CUBN: variants seen among roughly 807,000 people sequenced by gnomAD.
CUBN encodes the protein 460 kDa receptor.
Under a neutral mutation model 405.3 loss-of-function variants are expected in CUBN, and 282 were observed. The ratio of observed to expected loss-of-function variants is 0.70; its 90% CI spans 0.63 to 0.77. The LOEUF (loss-of-function observed/expected upper bound fraction) is 0.77. CUBN is among the 30% of genes least tolerant of loss of function. The pLI, the probability that CUBN is intolerant of heterozygous loss-of-function variation, is 0.00. For missense variants in CUBN, 4,514 were observed against 4,475.2 expected (o/e 1.01, Z -0.25); for synonymous variants, 1,684 against 1,617.0 (o/e 1.04, Z -0.99).
chr10:17,045,202 A>G lies in CUBN; in HGVS notation c.3491-14T>C. The G allele has an allele frequency of 6.2e-7, 1 of 1,612,916 alleles. No individual in the cohort carries two copies. The highest frequency in any genetic ancestry group is 8.5e-7 in the Non-Finnish European group (1 of 1,179,546). ...TACCCCCGCAACCTACAGGAGAAAG[A>G]AGTGGAATGACACACACCCCTTTCC... On this transcript the variant is annotated splice_polypyrimidine_tract_variant and intron_variant, in intron 24 of 66. Transcript: ENST00000377833.
At chr10:16,957,564 CA>C (rs1843101113) in intron 31 of CUBN, among the ~76,000 whole-genome samples, 1 of 152,218 alleles carries the variant, frequency 6.6e-6, no homozygotes, top group South Asian at 2.1e-4. Context: ...CACTTAATCC[CA>C]ATTAGAAAAT....
At chr10:16,879,983 G>A (rs557653663) in intron 56 of CUBN, among the ~76,000 whole-genome samples, 9 of 152,338 alleles carry the variant, frequency 5.9e-5, no homozygotes, top group Non-Finnish European at 8.8e-5. Flanking sequence ...ACAGCAATGA[G>A]AGGAGCCAGC....
At chr10:16,913,695 G>T in intron 48 of CUBN, 116 bp downstream of exon 48, 1 of 1,135,940 alleles carries the variant, frequency 8.8e-7, no homozygotes. Flanking sequence ...GAATTTGTCT[G>T]AGTTATAGTT....
intron 37 of CUBN, among the ~76,000 whole-genome samples, chr10:16,939,395 C>A (rs578246094): frequency 2.3e-4 from 35 of 152,220 alleles, no homozygotes; most frequent in African/African-American, 8.2e-4. Context: ...GGGTTCTGAG[C>A]CCCTAGGGGA....
At chr10:16,961,062 C>T (rs930217766) in intron 31 of CUBN, among the ~76,000 whole-genome samples, 7 of 152,258 alleles carry the variant, frequency 4.6e-5, no homozygotes, top group Admixed American at 2.0e-4. Flanking sequence ...TATGAAATTT[C>T]TTTTAATTAG....
intron 66 of CUBN, among the ~76,000 whole-genome samples, chr10:16,827,725 C>T (rs56655587): frequency 0.04 from 6,046 of 152,284 alleles, 410 homozygotes; most frequent in African/African-American, 0.14. Flanking sequence ...CCTCAGCCTC[C>T]GGAGTACTTG....
chr10:17,058,289 G>T (rs1334181571), intron 22 of CUBN, among the ~76,000 whole-genome samples: 1 of 152,028 alleles, frequency 6.6e-6, no homozygotes, highest in African/African-American at 2.4e-5. Context: ...CTTCTGGAGG[G>T]ACAGAAGTAT....
intron 28 of CUBN, among the ~76,000 whole-genome samples, chr10:16,998,703 T>A (rs921442475): frequency 6.6e-6 from 1 of 152,248 alleles, no homozygotes; most frequent in Non-Finnish European, 1.5e-5. Flanking sequence ...ACTTTCTGTA[T>A]TCCATCTTGT....
intron 57 of CUBN, 42 bp from the exon 58 acceptor site, chr10:16,874,545 G>C: frequency 6.2e-7 from 1 of 1,611,884 alleles, no homozygotes; most frequent in African/African-American, 1.3e-5. Context: ...ACAACGATTA[G>C]TCCCAGCATG....
chr10:16,839,898 G>A (rs2131318195), intron 62 of CUBN, among the ~76,000 whole-genome samples: 1 of 152,180 alleles, frequency 6.6e-6, no homozygotes, highest in South Asian at 2.1e-4. Context: ...AAAAAATGAT[G>A]AGGTCATGTC....
chr10:16,915,597 A>G (rs552880002), intron 46 of CUBN, among the ~76,000 whole-genome samples: 12 of 152,228 alleles, frequency 7.9e-5, no homozygotes, highest in Non-Finnish European at 1.5e-4. Flanking sequence ...GCTCTCCCCA[A>G]GTGGCCTCCA....
intron 43 of CUBN, among the ~76,000 whole-genome samples, chr10:16,923,719 G>C (rs1257406065): frequency 6.6e-6 from 1 of 152,192 alleles, no homozygotes; most frequent in Non-Finnish European, 1.5e-5. Context: ...CACACCCTTA[G>C]TGTATCTCTT....
At chr10:17,089,415 T>G (rs938535279) in intron 14 of CUBN, among the ~76,000 whole-genome samples, 7 of 152,116 alleles carry the variant, frequency 4.6e-5, no homozygotes, top group Non-Finnish European at 1.0e-4. Flanking sequence ...TATCCTAAAA[T>G]ATAAAGAACT....
intron 24 of CUBN, 53 bp from the exon 25 acceptor site, chr10:17,045,241 G>A (rs1835103500): frequency 2.6e-6 from 4 of 1,558,252 alleles, no homozygotes; most frequent in Non-Finnish European, 1.8e-6. Flanking sequence ...TGGGGAAATT[G>A]AATCTTTTTG....
rs199835213 is a variant in CUBN, at chr10:17,068,149, C to T, written c.2923G>A (p.Glu975Lys). 105 of 1,613,518 alleles carry T rather than the reference C, an allele frequency of 6.5e-5. 2 individuals are homozygous for T. Among genetic ancestry groups the T allele is most frequent in the South Asian group, 6.4e-4 (58 of 91,066 alleles). Reference protein sequence around the residue: ...QPNHLIHLMFETFHLEFHYNC... With the variant: ...QPNHLIHLMFKTFHLEFHYNC... ...TAATGAAACTCCAGATGAAATGTTTCGAACATTAAATGAATCAGGTGATTA... is the reference window on the plus strand; with the variant it reads ...TAATGAAACTCCAGATGAAATGTTTTGAACATTAAATGAATCAGGTGATTA... The change falls in exon 21 of 67, where the codon GAA becomes AAA. Residue 975 changes from glutamate (E) to lysine (K), a missense_variant. Glu to Lys is a moderately conservative substitution (Grantham distance 56). Coordinates refer to ENST00000377833, the MANE Select transcript of CUBN (RefSeq NM_001081.4).
chr10:16,828,889 A>G lies in CUBN; in HGVS notation c.10680T>C (p.Asp3560=). 1 of 1,614,164 alleles carries G rather than the reference A, an allele frequency of 6.2e-7. No individual in the cohort carries two copies. The highest frequency in any genetic ancestry group is 8.5e-7 in the Non-Finnish European group (1 of 1,180,010). Residue 3560 remains aspartate (D), a synonymous_variant, in exon 66 of 67, where the codon GAT becomes GAC. Coordinates refer to ENST00000377833, the MANE Select transcript of CUBN (RefSeq NM_001081.4). ...GATAGTTCTGGACACAGTCTCCTGG[A>G]TCGTCAATGCTGATGAAGTAGAAGT... ...TINFYFISID[D]PGDCVQNYLT...
intron 14 of CUBN, among the ~76,000 whole-genome samples, chr10:17,098,190 A>G (rs1209057655): frequency 6.6e-6 from 1 of 152,218 alleles, no homozygotes; most frequent in Non-Finnish European, 1.5e-5. Context: ...ATTGGTAGCC[A>G]CTGGAGTAGG....
intron 1 of CUBN, 120 bp from the exon 2 acceptor site, chr10:17,129,370 C>A: frequency 8.3e-7 from 1 of 1,200,326 alleles, no homozygotes; most frequent in East Asian, 2.4e-5. Flanking sequence ...TTGATCATCT[C>A]AACCCAACTG....
intron 17 of CUBN, among the ~76,000 whole-genome samples, chr10:17,076,117 C>T (rs1200206171): frequency 2.0e-5 from 3 of 152,136 alleles, no homozygotes; most frequent in African/African-American, 7.2e-5. Context: ...AGCCAAATAG[C>T]ATCACTGCAA....
Sources: gnomAD v4.1 joint callset for allele counts (sites outside exome capture counted in the v4.1 genomes callset) on GRCh38, gnomAD v4.1.1 for gene constraint, MANE v1.5 for transcripts, NCBI Gene and HGNC (gene_info 2026-07-23, HGNC 2026-07-21) for gene names.